The following SCAF8 variants were observed in gnomAD, a reference collection of about 807,000 sequenced individuals.
SCAF8 encodes SR-related CTD associated factor 8, also known as SR-related and CTD-associated factor 8.
In SCAF8, 23 loss-of-function variants were observed where a neutral mutation model predicts 140.5. The ratio of observed to expected loss-of-function variants is 0.16; its 90% confidence interval spans 0.12 to 0.23. The LOEUF is 0.23. Among genes scored for constraint, SCAF8 ranks in the 10% least tolerant of loss-of-function variants. The pLI, the probability that SCAF8 is intolerant of heterozygous loss-of-function variation, is 1.00. For missense variants in SCAF8, 1,397 were observed against 1,555.7 expected, an observed-to-expected ratio of 0.90 and a Z score of 1.72; for synonymous variants, 575 against 528.9, an observed-to-expected ratio of 1.09 and a Z score of -1.20.
chr6:154,739,864 T>TG (rs1272328358), intron 1 of SCAF8, among the ~76,000 whole-genome samples: 3 of 152,224 alleles, frequency 2.0e-5, no homozygotes, highest in Non-Finnish European at 2.9e-5. Context: ...AGACATGGCT[T>TG]GGTAGAGAAA....
chr6:154,799,138 G>A (rs369723487), intron 6 of SCAF8, among the ~76,000 whole-genome samples: 5 of 150,350 alleles, frequency 3.3e-5, no homozygotes, highest in Admixed American at 1.3e-4. Context: ...CCACCACGCC[G>A]AGCTAATTTT....
At chr6:154,768,619 CTAAAA>C (rs1776649799) in intron 1 of SCAF8, among the ~76,000 whole-genome samples, 1 of 152,170 alleles carries the variant, frequency 6.6e-6, no homozygotes, top group Admixed American at 6.5e-5. Flanking sequence ...AAATGATAAA[CTAAAA>C]TAAACTAGTA....
chr6:154,773,937 T>C (rs1278160204), intron 1 of SCAF8, 52 bp from the exon 2 acceptor site: 14 of 1,108,122 alleles, frequency 1.3e-5, no homozygotes, highest in Non-Finnish European at 1.8e-5. Context: ...GGTAGTTTCA[T>C]GTAATTGCTT....
intron 5 of SCAF8, among the ~76,000 whole-genome samples, chr6:154,793,426 TAAAAATTTTTTGAAATTTTTATGA>T (rs576457665): frequency 3.6e-4 from 54 of 152,046 alleles, no homozygotes; most frequent in Middle Eastern, 3.4e-3. Context: ...CAAAGTAATT[TAAAAATTTTTTGAAATTTTTATGA>T]AAAAATTTTT....
intron 14 of SCAF8, 81 bp from the exon 15 acceptor site, chr6:154,820,096 A>G: frequency 8.9e-7 from 1 of 1,119,974 alleles, no homozygotes; most frequent in Non-Finnish European, 1.2e-6. Flanking sequence ...TACATTGTTT[A>G]AATAAAATTT....
intron 6 of SCAF8, among the ~76,000 whole-genome samples, chr6:154,801,515 A>G (rs1378869704): frequency 6.6e-6 from 1 of 151,434 alleles, no homozygotes; most frequent in African/African-American, 2.4e-5. Context: ...TGACACTATT[A>G]TTAATAACTA....
chr6:154,786,923 TA>T, intron 3 of SCAF8, among the ~76,000 whole-genome samples: 1 of 152,384 alleles, frequency 6.6e-6, no homozygotes, highest in Non-Finnish European at 1.5e-5. Context: ...GCAAAAATGC[TA>T]ATGTACCAGT....
At chr6:154,818,007 T>C (rs932158009) in intron 13 of SCAF8, among the ~76,000 whole-genome samples, 2 of 152,170 alleles carry the variant, frequency 1.3e-5, no homozygotes, top group African/African-American at 4.8e-5. Flanking sequence ...ATATTAAGGA[T>C]AAGATAATTC....
In SCAF8 at chr6:154,824,105, G is replaced by A. The variant is rs779210575; in HGVS notation, c.1927-129G>A. On this transcript the variant is annotated intron_variant, in intron 16 of 19. Coordinates refer to ENST00000367178, the MANE Select transcript of SCAF8 (RefSeq NM_014892.5). ...AGGTTCACTTGCAAGTATACAAAAAGGGGGCATAAAACCCTTTTTAGTAGT... is the reference window on the plus strand; with the variant it reads ...AGGTTCACTTGCAAGTATACAAAAAAGGGGCATAAAACCCTTTTTAGTAGT... The A allele has an allele frequency of 5.1e-4, 429 of 838,366 alleles. 2 individuals are homozygous for A. The highest frequency in any genetic ancestry group is 7.5e-4 in the Non-Finnish European group (396 of 529,878). 51.9% of individuals were successfully genotyped at this position (838,366 alleles called of 1,614,324 possible).
At chr6:154,768,789 G>T (rs898584946) in intron 1 of SCAF8, among the ~76,000 whole-genome samples, 3 of 152,070 alleles carry the variant, frequency 2.0e-5, no homozygotes, top group East Asian at 1.9e-4. Flanking sequence ...TAAGCCAGGC[G>T]CAGTGGCTCA....
At position 154,733,492 on chromosome 6, in the gene SCAF8, A is replaced by G; in HGVS notation, c.-409A>G. On this transcript the variant is annotated 5_prime_UTR_variant, in exon 1 of 20. Transcript: ENST00000367178. ...GAGCGGGGCTGGTTCCTGCGGCCCG[A>G]GCGGCGGGGAGGTGAAACAGGAGCC... 1 of 1,322,562 alleles carries G rather than the reference A, an allele frequency of 7.6e-7. No homozygotes were observed. Among genetic ancestry groups the G allele is most frequent in the Non-Finnish European group, 9.6e-7 (1 of 1,039,174 alleles). The allele number at this position is 1,322,562 out of a possible 1,614,324, so 81.9% of individuals were successfully genotyped here.
chr6:154,734,526 T>G (rs1419664280), intron 1 of SCAF8, among the ~76,000 whole-genome samples: 1 of 152,200 alleles, frequency 6.6e-6, no homozygotes, highest in Non-Finnish European at 1.5e-5. Context: ...TCTTTTATTT[T>G]TACTCGCTCC....
chr6:154,806,087 A>G lies in SCAF8; in HGVS notation c.981+601A>G, dbSNP rs537414733. Among the ~76,000 whole-genome samples, 12 of 152,276 alleles carry G rather than the reference A, an allele frequency of 7.9e-5. 1 individual carries two copies. In the South Asian group the frequency reaches 2.5e-3, roughly 32 times the overall value. On this transcript the variant is annotated intron_variant, in intron 9 of 19. Transcript: ENST00000367178. ...TGCAGCAGTGTACAGCTAGTGTTAT[A>G]TATTATCTGACTCAAGATGTGCGGT...
At position 154,832,724 on chromosome 6, in the gene SCAF8, C is replaced by T. The variant is rs1383831542; in HGVS notation, c.3145C>T (p.Pro1049Ser). ...VGRPIDPREG[P>S]GRPPLDGRDH... ...GCGGCCTATAGATCCAAGAGAAGGT[C>T]CTGGACGGCCTCCACTAGATGGTAG... is the stretch of plus-strand genomic sequence containing the variant. Residue 1049 changes from proline to serine, a missense_variant, in exon 20 of 20, where the codon CCT (proline) becomes TCT (serine). Pro to Ser is a moderately conservative substitution (Grantham distance 74, BLOSUM62 -1). Transcript: ENST00000367178. 2 of 1,613,728 alleles carry T rather than the reference C, an allele frequency of 1.2e-6. No homozygotes were observed. The highest frequency in any genetic ancestry group is 2.7e-5 in the African/African-American group (2 of 74,826).
chr6:154,830,869 G>A, intron 18 of SCAF8, 53 bp from the exon 19 acceptor site: 1 of 1,367,660 alleles, frequency 7.3e-7, no homozygotes, highest in Non-Finnish European at 1.0e-6. Context: ...AGAAAACTTA[G>A]CACATGAATT....
intron 11 of SCAF8, 98 bp downstream of exon 11, chr6:154,808,896 CAT>C: frequency 1.3e-6 from 1 of 788,180 alleles, no homozygotes; most frequent in Middle Eastern, 2.6e-4. Flanking sequence ...CTTGGGATGA[CAT>C]ATTTTTTCTC....
chr6:154,831,703 T>TAAAAAAAAAAAAAAAAAAAAA (rs58013583), intron 19 of SCAF8, among the ~76,000 whole-genome samples: 2 of 48,068 alleles, frequency 4.2e-5, no homozygotes, highest in African/African-American at 1.4e-4. Context: ...CTCCTGTTCT[T>TAAAAAAAAAAAAAAAAAAAAA]AAAAAAAAAA....
intron 6 of SCAF8, among the ~76,000 whole-genome samples, chr6:154,796,110 C>T (rs903415047): frequency 2.0e-5 from 3 of 151,962 alleles, no homozygotes; most frequent in Admixed American, 6.6e-5. Flanking sequence ...TGGAAGAGAT[C>T]ATAATAGAAA....
At chr6:154,786,983 A>T (rs1284665234) in intron 3 of SCAF8, among the ~76,000 whole-genome samples, 1 of 152,256 alleles carries the variant, frequency 6.6e-6, no homozygotes, top group African/African-American at 2.4e-5. Flanking sequence ...ATCTAAAGAT[A>T]CTGTGCAGTA....
Sources: gnomAD v4.1 joint callset for allele counts (sites outside exome capture counted in the v4.1 genomes callset) on GRCh38, gnomAD v4.1.1 for gene constraint, MANE v1.5 for transcripts, NCBI Gene and HGNC (gene_info 2026-07-23, HGNC 2026-07-21) for gene names.